The following DMWD variants were observed in gnomAD, a reference collection of about 807,000 sequenced individuals.
DMWD encodes the protein dystrophia myotonica WD repeat-containing protein.
In DMWD, 19 loss-of-function variants were observed where a neutral mutation model predicts 45.8. The ratio of observed to expected loss-of-function variants is 0.41; its 90% CI spans 0.29 to 0.61. The LOEUF (loss-of-function observed/expected upper bound fraction) is 0.61, where lower values mean the gene tolerates loss of function less well. Among genes scored for constraint, DMWD ranks in the 20% least tolerant of loss-of-function variants. The pLI is 0.25. For synonymous variants in DMWD, 515 were observed against 440.5 expected (o/e 1.17, Z -2.12); for missense variants, 802 against 965.2 (o/e 0.83, Z 2.24).
In DMWD at chr19:45,791,099, G is replaced by A; in HGVS notation, c.442-12C>T. ...TTGAGGTCAATGGACTTGAGGGGTGGGAGAAAAGGAGTTAATGGTGTATGC... is the reference window on the plus strand; with the variant it reads ...TTGAGGTCAATGGACTTGAGGGGTGAGAGAAAAGGAGTTAATGGTGTATGC... On this transcript the variant is annotated splice_polypyrimidine_tract_variant and intron_variant, in intron 1 of 4. Transcript: ENST00000270223. 1.9e-6 allele frequency: 3 copies of A among 1,601,072 alleles called. No individual in the cohort carries two copies. The highest frequency in any genetic ancestry group is 1.1e-5 in the South Asian group (1 of 89,782).
rs369134551 is a variant in DMWD, at chr19:45,786,182, C to G, written c.1314G>C (p.Thr438=). 1 of 1,603,480 alleles carries G rather than the reference C, an allele frequency of 6.2e-7. No individual in the cohort carries two copies. The highest frequency in any genetic ancestry group is 2.3e-5 in the East Asian group (1 of 44,428). Residue 438 remains threonine (T), a synonymous_variant, in exon 3 of 5, where the codon ACG becomes ACC. Transcript: ENST00000270223. ...TYRFGSAGQD[T]QFCLWDLTED... is the part of the protein sequence containing the mutation. ...CAGTGAGGTCCCACAGGCAGAACTGCGTGTCCTGGCCCGCCGAGCCAAAGC... is the reference window on the plus strand; with the variant it reads ...CAGTGAGGTCCCACAGGCAGAACTGGGTGTCCTGGCCCGCCGAGCCAAAGC...
At chr19:45,791,236 C>A (rs991420928) in intron 1 of DMWD, 149 bp from the exon 2 acceptor site, 3 of 747,514 alleles carry the variant, frequency 4.0e-6, no homozygotes, top group Non-Finnish European at 6.3e-6. Context: ...AAGGACGGGG[C>A]AACCACAGAC....
intron 1 of DMWD, among the ~76,000 whole-genome samples, chr19:45,792,018 G>A (rs780766612): frequency 1.3e-4 from 20 of 151,936 alleles, no homozygotes; most frequent in Non-Finnish European, 2.2e-4. Context: ...CAGAACCCGG[G>A]GGATCCCACC....
chr19:45,786,029 C>A lies in DMWD; in HGVS notation c.1467G>T (p.Ser489=), dbSNP rs768136909. The change falls in exon 3 of 5, where the codon TCG becomes TCT. Residue 489 remains serine, a synonymous_variant. Coordinates refer to ENST00000270223, the MANE Select transcript of DMWD (RefSeq NM_004943.2). ...GEPGPGPLPR[S]LSRSNSLPHP... ...GCGGGAGACTGTTGGAGCGGGACAG[C>A]GAGCGAGGCAGGGGGCCTGGGCCAG... The A allele has an allele frequency of 6.5e-7, 1 of 1,543,522 alleles. No individual in the cohort carries two copies. Among genetic ancestry groups the A allele is most frequent in the Admixed American group, 1.9e-5 (1 of 52,250 alleles).
rs1970245849 is a variant in DMWD at position 45,784,646 on chromosome 19, C to T, written c.1972G>A (p.Val658Ile). Residue 658 changes from valine (V) to isoleucine (I), a missense_variant, in exon 4 of 5, where the codon GTA (valine) becomes ATA (isoleucine). By Grantham distance (29) the Val-to-Ile change is conservative (BLOSUM62 3). Transcript: ENST00000270223. ...SWPRSPSKSV[V>I]EGISSQPGNS... Reference sequence around the variant, plus strand: ...GAACTCAGGGACAGTCCTACCTCTACCACTGACTTGCTGGGTGACCTGGGC... The same window carrying T: ...GAACTCAGGGACAGTCCTACCTCTATCACTGACTTGCTGGGTGACCTGGGC... 1.9e-6 allele frequency: 3 copies of T among 1,613,836 alleles called. No homozygotes were observed. Among genetic ancestry groups the T allele is most frequent in the African/African-American group, 1.3e-5 (1 of 74,870 alleles).
At position 45,790,942 on chromosome 19, in the gene DMWD, A is replaced by C. The variant is rs878963994; in HGVS notation, c.587T>G (p.Leu196Arg). Residue 196 changes from leucine (L) to arginine (R), a missense_variant, in exon 2 of 5, where the codon CTC (leucine) becomes CGC (arginine). Around this residue, in one of 9 missense-constraint regions of DMWD, gnomAD observed 38 missense variants for 76.1 expected, o/e 0.50. Coordinates refer to ENST00000270223, the MANE Select transcript of DMWD (RefSeq NM_004943.2). ...CAGCTTGCTGGTGTCCTTTTTGATG[A>C]GATCCAGGTACTGCACTTGACCCGC... ...FSAGQVQYLDLIKKDTSKLFN... is the reference protein window; with the variant it reads ...FSAGQVQYLDRIKKDTSKLFN... 6.2e-7 allele frequency: 1 copy of C among 1,610,880 alleles called. No homozygotes were observed. Among genetic ancestry groups the C allele is most frequent in the Non-Finnish European group, 8.5e-7 (1 of 1,178,908 alleles).
chr19:45,790,864 G>C (rs369284999), intron 2 of DMWD, 41 bp downstream of exon 2: 1 of 1,572,984 alleles, frequency 6.4e-7, no homozygotes, highest in Non-Finnish European at 8.6e-7. Context: ...GTGGGTAGGT[G>C]AGAAGGCAGA....
rs762042225 is a variant in DMWD, at chr19:45,786,618, G to A, written c.878C>T (p.Ser293Leu). The change falls in exon 3 of 5, where the codon TCG becomes TTG. Residue 293 changes from serine (S) to leucine (L), a missense_variant. Transcript: ENST00000270223. Reference sequence around the variant, plus strand: ...ACAGGCCAGGTGCCGGCCATCGGGCGAGAAGGCGAACTCGTTGAGGGGCCC... The same window carrying A: ...ACAGGCCAGGTGCCGGCCATCGGGCAAGAAGGCGAACTCGTTGAGGGGCCC... ...GEGPLNEFAFSPDGRHLACVS... is the reference protein window; with the variant it reads ...GEGPLNEFAFLPDGRHLACVS... 7.4e-6 allele frequency: 12 copies of A among 1,613,506 alleles called. No individual in the cohort carries two copies. The highest frequency in any genetic ancestry group is 1.7e-6 in the Non-Finnish European group (2 of 1,179,772).
Position 45,786,691 on chromosome 19 carries a change from T to C in DMWD, c.805A>G (p.Lys269Glu), listed in dbSNP as rs1970283341. Residue 269 changes from lysine (K) to glutamate (E), a missense_variant, in exon 3 of 5, where the codon AAG becomes GAG. Lys to Glu is a moderately conservative substitution (Grantham distance 56). Coordinates refer to ENST00000270223, the MANE Select transcript of DMWD (RefSeq NM_004943.2). ...AGCGGGTTGCGGGGTGCCTTGCTCT[T>C]GGCAGCATAGACAGAGAAGCCCTCG... ...QGEGFSVYAA[K>E]SKAPRNPLAK... The C allele has an allele frequency of 6.2e-7, 1 of 1,611,562 alleles. No homozygotes were observed.
Position 45,783,887 on chromosome 19 carries a change from A to G in DMWD, c.*356T>C. On this transcript the variant is annotated 3_prime_UTR_variant, in exon 5 of 5. Coordinates refer to ENST00000270223, the MANE Select transcript of DMWD (RefSeq NM_004943.2). Reference sequence around the variant, plus strand: ...GGCTGGACCACCCCCGGCCCTGCCCACTCAACTGAGGGGCACACTGCAGAC... The same window carrying G: ...GGCTGGACCACCCCCGGCCCTGCCCGCTCAACTGAGGGGCACACTGCAGAC... The G allele has an allele frequency of 2.0e-6, 1 of 494,596 alleles. No individual in the cohort carries two copies. Among genetic ancestry groups the G allele is most frequent in the South Asian group, 3.5e-5 (1 of 28,834 alleles). The allele number at this position is 494,596 out of a possible 1,614,324, so 30.6% of individuals were successfully genotyped here.
At position 45,784,665 on chromosome 19, in the gene DMWD, C is replaced by A; in HGVS notation, c.1953G>T (p.Arg651Ser). The stretch of plus-strand genomic sequence containing the variant: ...CCTCTACCACTGACTTGCTGGGTGA[C>A]CTGGGCCAACTTCCTTCCCCTGTCT... ...EAQTGEGSWP[R>S]SPSKSVVEGI... The change falls in exon 4 of 5, where the codon AGG becomes AGT. Residue 651 changes from arginine (R) to serine (S), a missense_variant. By Grantham distance (110) the Arg-to-Ser change is moderately radical. Around this residue, in one of 9 missense-constraint regions of DMWD, gnomAD observed 303 missense variants for 332.9 expected, o/e 0.91. Coordinates refer to ENST00000270223, the MANE Select transcript of DMWD (RefSeq NM_004943.2). 1 of 1,613,758 alleles carries A rather than the reference C, an allele frequency of 6.2e-7. No individual in the cohort carries two copies.
In DMWD at chr19:45,792,435, C is replaced by T; in HGVS notation, c.322G>A (p.Gly108Arg). ...GGCGTGGCGGGCGGCTCCCCGGCCCCGGCGCTGTCCGGCTCCCCGAGGCGC... is the reference window on the plus strand; with the variant it reads ...GGCGTGGCGGGCGGCTCCCCGGCCCTGGCGCTGTCCGGCTCCCCGAGGCGC... ...LVRLGEPDSA[G>R]AGEPPATPAG... is the part of the protein sequence containing the mutation. Residue 108 changes from glycine (G) to arginine (R), a missense_variant, in exon 1 of 5, where the codon GGG becomes AGG. By Grantham distance (125) the Gly-to-Arg change is moderately radical (BLOSUM62 -2). Transcript: ENST00000270223. 2.0e-6 allele frequency: 3 copies of T among 1,525,212 alleles called. No homozygotes were observed. The highest frequency in any genetic ancestry group is 2.6e-5 in the East Asian group (1 of 38,362). 94.5% of individuals were successfully genotyped at this position (1,525,212 alleles called of 1,614,324 possible).
chr19:45,784,451 G>A, intron 4 of DMWD, 161 bp from the exon 5 acceptor site: 3 of 1,267,978 alleles, frequency 2.4e-6, no homozygotes, highest in Non-Finnish European at 3.2e-6. Flanking sequence ...CTCTAGGCTG[G>A]GAACTTGCAT....
chr19:45,783,957 A>T lies in DMWD; in HGVS notation c.*286T>A. On this transcript the variant is annotated 3_prime_UTR_variant, in exon 5 of 5. Transcript: ENST00000270223. ...GGCGGGGAGTCTCTCCCCAGGAGTG[A>T]CCAGTCACATGCTGGGGACAGGGAT... 2 of 589,108 alleles carry T rather than the reference A, an allele frequency of 3.4e-6. No homozygotes were observed. Among genetic ancestry groups the T allele is most frequent in the Non-Finnish European group, 5.9e-6 (2 of 336,908 alleles). 36.5% of individuals were successfully genotyped at this position (589,108 alleles called of 1,614,324 possible). A position where few individuals can be genotyped will look rare whatever the true frequency, so the allele number is the denominator to read the frequency against.
chr19:45,783,302 C>T lies in DMWD; in HGVS notation c.*941G>A, dbSNP rs139517492. 2.1e-4 allele frequency: 74 copies of T among 345,294 alleles called. No individual in the cohort carries two copies. Among genetic ancestry groups the T allele is most frequent in the African/African-American group, 1.2e-3 (59 of 47,656 alleles). The allele number at this position is 345,294 out of a possible 1,614,324, so 21.4% of individuals were successfully genotyped here. A position where few individuals can be genotyped will look rare whatever the true frequency, so the allele number is the denominator to read the frequency against. On this transcript the variant is annotated 3_prime_UTR_variant, in exon 5 of 5. Transcript: ENST00000270223. ...TCTGAGCTCTTCTTTCCAGGGTGGA[C>T]GGTTCTCCAGAGTGGAAGTCGGGGC...
chr19:45,784,115 G>A lies in DMWD; in HGVS notation c.*128C>T, dbSNP rs758674100. ...TGGGGGGCCCCCAAATTTTGTGCAG[G>A]TGGGGGGACTGGAGCAGTCCATCCA... On this transcript the variant is annotated 3_prime_UTR_variant, in exon 5 of 5. Coordinates refer to ENST00000270223, the MANE Select transcript of DMWD (RefSeq NM_004943.2). 1.1e-5 allele frequency: 9 copies of A among 844,448 alleles called. No homozygotes were observed. The highest frequency in any genetic ancestry group is 1.8e-5 in the Non-Finnish European group (9 of 510,052). The allele number at this position is 844,448 out of a possible 1,614,324, so 52.3% of individuals were successfully genotyped here.
At position 45,790,831 on chromosome 19, in the gene DMWD, C is replaced by T. The variant is rs548963246; in HGVS notation, c.624+74G>A. On this transcript the variant is annotated intron_variant, in intron 2 of 4. Coordinates refer to ENST00000270223, the MANE Select transcript of DMWD (RefSeq NM_004943.2). ...TCTCAGGCCTACACTGTTCCGCAGG[C>T]AGCTGCATCCTAATGGCATATAGTG... is the stretch of plus-strand genomic sequence containing the variant. 5.6e-5 allele frequency: 85 copies of T among 1,516,112 alleles called. No homozygotes were observed. In the South Asian group the frequency reaches 1.0e-3, roughly 18 times the overall value. 93.9% of individuals were successfully genotyped at this position (1,516,112 alleles called of 1,614,324 possible). A position where few individuals can be genotyped will look rare whatever the true frequency, so the allele number is the denominator to read the frequency against.
rs781640052 is a variant in DMWD at position 45,785,693 on chromosome 19, G to T, written c.1803C>A (p.Ile601=). The T allele has an allele frequency of 1.1e-5, 17 of 1,601,748 alleles. No individual in the cohort carries two copies. The highest frequency in any genetic ancestry group is 1.4e-5 in the Non-Finnish European group (16 of 1,172,378). Residue 601 remains isoleucine (I), a synonymous_variant, in exon 3 of 5, where the codon ATC becomes ATA. Coordinates refer to ENST00000270223, the MANE Select transcript of DMWD (RefSeq NM_004943.2). The part of the protein sequence containing the change: ...PLLEPLVCKK[I]AQERLTVLLF... ...GGAGGACTGTGAGCCGCTCCTGGGC[G>T]ATCTTCTTGCACACAAGGGGCTCCA...
At chr19:45,787,699 CA>C (rs1004723163) in intron 2 of DMWD, among the ~76,000 whole-genome samples, 1 of 152,196 alleles carries the variant, frequency 6.6e-6, no homozygotes, top group South Asian at 2.1e-4. Flanking sequence ...GGTGCTTAGA[CA>C]AAAAACCTCG....
Sources: gnomAD v4.1 joint callset for allele counts (sites outside exome capture counted in the v4.1 genomes callset) on GRCh38, gnomAD v4.1.1 for gene constraint, gnomAD v4.1.1 regional missense constraint, MANE v1.5 for transcripts, NCBI Gene and HGNC (gene_info 2026-07-23, HGNC 2026-07-21) for gene names.